G3BP2: variants seen among roughly 807,000 people sequenced by gnomAD.
The protein encoded by G3BP2 is G3BP stress granule assembly factor 2.
G3BP2 carries 11 observed loss-of-function variants against 56.7 expected under a neutral mutation model. That is an observed-to-expected ratio of 0.19 (90% CI 0.12 to 0.32). The LOEUF is 0.32. Among genes scored for constraint, G3BP2 ranks in the 10% least tolerant of loss-of-function variants. The pLI is 1.00. For missense variants in G3BP2, 340 were observed against 610.9 expected, an observed-to-expected ratio of 0.56 and a Z score of 4.67; for synonymous variants, 165 against 191.6, an observed-to-expected ratio of 0.86 and a Z score of 1.15.
At chr4:75,667,473 T>C (rs149118893) in intron 1 of G3BP2, among the ~76,000 whole-genome samples, 10 of 152,308 alleles carry the variant, frequency 6.6e-5, no homozygotes, top group African/African-American at 2.4e-4. Flanking sequence ...CTTCTTCCAA[T>C]GACACCTGAA....
intron 3 of G3BP2, among the ~76,000 whole-genome samples, chr4:75,701,874 T>C (rs141230649): frequency 3.7e-4 from 56 of 152,334 alleles, no homozygotes; most frequent in Non-Finnish European, 6.6e-4. Context: ...AGGTCCAGAA[T>C]ATGCCACTAT....
chr4:75,670,262 ATCCATT>A (rs971681926), intron 1 of G3BP2: 47 of 152,306 alleles, frequency 3.1e-4, no homozygotes, highest in African/African-American at 1.1e-3. Flanking sequence ...CATGGACTAT[ATCCATT>A]TCCAACAGCT....
intron 9 of G3BP2, among the ~76,000 whole-genome samples, chr4:75,647,403 C>T (rs1047120618): frequency 2.6e-5 from 4 of 152,112 alleles, no homozygotes; most frequent in African/African-American, 9.7e-5. Flanking sequence ...CTGGATTATA[C>T]AAAAATCAAA....
intron 3 of G3BP2, among the ~76,000 whole-genome samples, chr4:75,720,796 A>AAAATAAATAAATAAAT (rs150099549): frequency 7.2e-4 from 95 of 132,082 alleles, no homozygotes; most frequent in East Asian, 1.8e-3. Context: ...GCTCCATCTC[A>AAAATAAATAAATAAAT]AAATAAATAA....
intron 3 of G3BP2, among the ~76,000 whole-genome samples, chr4:75,697,293 AAAAAAAAAG>A (rs1262342166): frequency 9.2e-5 from 10 of 108,308 alleles, no homozygotes; most frequent in East Asian, 6.2e-4. Flanking sequence ...AAAAAAAAAA[AAAAAAAAAG>A]ATCATGAAAT....
intron 1 of G3BP2, 163 bp from the exon 2 acceptor site, chr4:75,662,212 C>A (rs77369859): frequency 1.0e-3 from 465 of 464,342 alleles, no homozygotes; most frequent in African/African-American, 9.0e-3. Context: ...ATCAGACTAA[C>A]CTGAAATAAT....
intron 1 of G3BP2, among the ~76,000 whole-genome samples, chr4:75,664,532 T>G (rs1458475157): frequency 6.6e-6 from 1 of 152,082 alleles, no homozygotes; most frequent in Non-Finnish European, 1.5e-5. Flanking sequence ...GCCAAGATCA[T>G]GCCTCTGCAC....
At chr4:75,691,242 G>A (rs1022961355) in intron 3 of G3BP2, among the ~76,000 whole-genome samples, 1 of 152,038 alleles carries the variant, frequency 6.6e-6, no homozygotes, top group Non-Finnish European at 1.5e-5. Flanking sequence ...ACCCTGCCCA[G>A]GTAATTTTTG....
intron 3 of G3BP2, among the ~76,000 whole-genome samples, chr4:75,692,696 A>C (rs568093293): frequency 6.6e-6 from 1 of 152,172 alleles, no homozygotes; most frequent in Non-Finnish European, 1.5e-5. Flanking sequence ...CAGGCTTTGC[A>C]TTGTATCTTT....
chr4:75,650,675 T>A (rs1731624985), intron 8 of G3BP2, among the ~76,000 whole-genome samples: 1 of 152,166 alleles, frequency 6.6e-6, no homozygotes, highest in African/African-American at 2.4e-5. Context: ...TGTTGTTATT[T>A]ATATGTATTT....
chr4:75,665,771 A>T (rs908959110), intron 1 of G3BP2, among the ~76,000 whole-genome samples: 6 of 152,188 alleles, frequency 3.9e-5, no homozygotes, highest in African/African-American at 1.2e-4. Context: ...AAGATAACTA[A>T]AACATGGAAA....
intron 3 of G3BP2, among the ~76,000 whole-genome samples, chr4:75,690,433 CAA>C (rs34459285): frequency 1.2e-4 from 15 of 127,056 alleles, no homozygotes; most frequent in Admixed American, 1.6e-4. Context: ...ACTCCATCTC[CAA>C]AAAAAAAAAA....
At chr4:75,672,935 C>CA (rs1237336561) in intron 1 of G3BP2, 1 of 925,162 alleles carries the variant, frequency 1.1e-6, no homozygotes, top group African/African-American at 1.8e-5. Flanking sequence ...CAATAAACCT[C>CA]AACCCCACCT....
intron 1 of G3BP2, among the ~76,000 whole-genome samples, chr4:75,668,024 C>T (rs1445430802): frequency 6.6e-6 from 1 of 152,102 alleles, no homozygotes; most frequent in African/African-American, 2.4e-5. Context: ...AAAATGTTTC[C>T]TCTGCATTTG....
In G3BP2 at chr4:75,645,184, TTAAGA is replaced by T; in HGVS notation, c.*241_*245del. 1.9e-6 allele frequency: 1 copy of T among 528,572 alleles called. No homozygotes were observed. Among genetic ancestry groups the T allele is most frequent in the Non-Finnish European group, 3.3e-6 (1 of 300,682 alleles). The allele number at this position is 528,572 out of a possible 1,614,324, so 32.7% of individuals were successfully genotyped here. On this transcript the variant is annotated 3_prime_UTR_variant, in exon 12 of 12. Transcript: ENST00000359707. Reference sequence around the variant, plus strand: ...TTAAGTTCACTTTGTCGTAGATAGTTTAAGATATGGTCATTTCTCAGTCCTTAATT... The same window carrying T: ...TTAAGTTCACTTTGTCGTAGATAGTTTATGGTCATTTCTCAGTCCTTAATT...
chr4:75,682,179 G>A (rs1230951368), intron 3 of G3BP2, among the ~76,000 whole-genome samples: 1 of 152,188 alleles, frequency 6.6e-6, no homozygotes, highest in Non-Finnish European at 1.5e-5. Flanking sequence ...CACTTTGGGA[G>A]GCCGAGGCAG....
chr4:75,663,673 A>G (rs1732747976), intron 1 of G3BP2, among the ~76,000 whole-genome samples: 1 of 151,910 alleles, frequency 6.6e-6, no homozygotes, highest in South Asian at 2.1e-4. Flanking sequence ...CAGCCTGGCC[A>G]AGATGGTGAA....
rs1180512498 is a variant in G3BP2, at chr4:75,673,116, C to T, written c.-25+92G>A. On this transcript the variant is annotated intron_variant, in intron 1 of 11. Transcript: ENST00000359707. ...GCTACACCTCCGGCTCCCGGGCTCA[C>T]ACACCGGACGATTGCCTCGCGCCGC... is the stretch of plus-strand genomic sequence containing the variant. 2.8e-6 allele frequency: 3 copies of T among 1,082,310 alleles called. No homozygotes were observed. In the Admixed American group the frequency reaches 1.6e-4, roughly 57 times the overall value. 67.0% of individuals were successfully genotyped at this position (1,082,310 alleles called of 1,614,324 possible). A position where few individuals can be genotyped will look rare whatever the true frequency, so the allele number is the denominator to read the frequency against.
At chr4:75,669,702 C>A (rs958950621) in intron 1 of G3BP2, among the ~76,000 whole-genome samples, 1 of 152,250 alleles carries the variant, frequency 6.6e-6, no homozygotes, top group African/African-American at 2.4e-5. Context: ...TGTCTTACTT[C>A]ATTCATTCCC....
Sources: gnomAD v4.1 joint callset for allele counts (sites outside exome capture counted in the v4.1 genomes callset) on GRCh38, gnomAD v4.1.1 for gene constraint, MANE v1.5 for transcripts, NCBI Gene and HGNC (gene_info 2026-07-23, HGNC 2026-07-21) for gene names.